Variants in DGKI observed in about 807,000 individuals in gnomAD.
DGKI encodes diacylglycerol kinase iota.
In DGKI, 55 loss-of-function variants were observed where a neutral mutation model predicts 147.5. That is an observed-to-expected ratio of 0.37 (90% CI 0.30 to 0.47). DGKI has a LOEUF of 0.47. Ranked by LOEUF, DGKI falls within the 20% of genes least tolerant of loss-of-function variation. The probability of loss-of-function intolerance (pLI) is 1.00; values close to 1 mark genes in which losing one functional copy is unlikely to be tolerated. For synonymous variants in DGKI, 469 were observed against 477.1 expected, an observed-to-expected ratio of 0.98 and a Z score of 0.22; for missense variants, 1,007 against 1,323.8, an observed-to-expected ratio of 0.76 and a Z score of 3.71.
intron 6 of DGKI, among the ~76,000 whole-genome samples, chr7:137,633,071 G>A (rs1181946609): frequency 3.3e-5 from 5 of 151,924 alleles, no homozygotes; most frequent in Non-Finnish European, 7.4e-5. Flanking sequence ...AATTACTCGG[G>A]CGTGGTGACG....
intron 1 of DGKI, among the ~76,000 whole-genome samples, chr7:137,718,121 G>A (rs990736593): frequency 4.6e-5 from 7 of 152,216 alleles, no homozygotes; most frequent in South Asian, 2.1e-4. Context: ...AAAACCAGCC[G>A]GGTGGGCTGG....
rs556073557 is a variant in DGKI at position 137,604,940 on chromosome 7, T to C, written c.1167+4026A>G. On this transcript the variant is annotated intron_variant, in intron 10 of 32. Coordinates refer to ENST00000614521, the MANE Select transcript of DGKI (RefSeq NM_001321708.2). ...GACGTATTTCTCTAGTACTCGAAAGTTTCCACACATAGGAGGGGATTGCAC... is the reference window on the plus strand; with the variant it reads ...GACGTATTTCTCTAGTACTCGAAAGCTTCCACACATAGGAGGGGATTGCAC... Among the ~76,000 whole-genome samples, 80 of 152,264 alleles carry C rather than the reference T, an allele frequency of 5.3e-4. 3 individuals are homozygous for C. The South Asian group carries it at 0.013, about 26-fold the overall frequency.
At chr7:137,843,388 C>G (rs1429558332) in intron 1 of DGKI, 1 of 983,816 alleles carries the variant, frequency 1.0e-6, no homozygotes, top group African/African-American at 1.8e-5. Context: ...AGAAAAGTAC[C>G]AGCTCACTCG....
intron 23 of DGKI, among the ~76,000 whole-genome samples, chr7:137,472,295 T>C (rs1330196278): frequency 0.02 from 77 of 3,880 alleles, 2 homozygotes; most frequent in African/African-American, 0.037. Flanking sequence ...TATGTATGTG[T>C]ATATTTATGT....
chr7:137,694,198 G>A (rs1383923251), intron 1 of DGKI, among the ~76,000 whole-genome samples: 2 of 152,088 alleles, frequency 1.3e-5, no homozygotes, highest in Admixed American at 6.5e-5. Flanking sequence ...GCGGGCGCCT[G>A]TAGTCCCAGC....
chr7:137,502,803 A>C (rs938299332), intron 21 of DGKI, among the ~76,000 whole-genome samples: 4 of 152,100 alleles, frequency 2.6e-5, no homozygotes, highest in Non-Finnish European at 4.4e-5. Flanking sequence ...AACTATTCCT[A>C]CTTTCCATTG....
intron 1 of DGKI, among the ~76,000 whole-genome samples, chr7:137,694,112 G>A (rs1823703044): frequency 1.3e-5 from 2 of 152,086 alleles, no homozygotes; most frequent in South Asian, 4.1e-4. Context: ...ACAAGGTCAG[G>A]AGATTGAGAC....
At chr7:137,576,559 T>G (rs2128978548) in intron 17 of DGKI, among the ~76,000 whole-genome samples, 1 of 152,338 alleles carries the variant, frequency 6.6e-6, no homozygotes, top group South Asian at 2.1e-4. Flanking sequence ...CCTAATTTTA[T>G]TCTATTTTTG....
At chr7:137,408,068 A>T in intron 29 of DGKI, 73 bp from the exon 30 acceptor site, 1 of 1,565,314 alleles carries the variant, frequency 6.4e-7, no homozygotes. Flanking sequence ...CGGTAATAAA[A>T]TGAGAGTCAT....
At position 137,846,905 on chromosome 7, in the gene DGKI, A is replaced by G; in HGVS notation, c.-43T>C. On this transcript the variant is annotated 5_prime_UTR_variant, in exon 1 of 33. Coordinates refer to ENST00000614521, the MANE Select transcript of DGKI (RefSeq NM_001321708.2). This position sits in a 1 kb window ranked among gnomAD's most constrained non-coding sequence, Gnocchi z 4.0. ...CGGGGCATTGTGGGAAACTCCGCTC[A>G]CTCCCCCGCCCCGGCCAATCAGAGG... The G allele has an allele frequency of 8.9e-7, 1 of 1,122,746 alleles. No individual in the cohort carries two copies. Among genetic ancestry groups the G allele is most frequent in the East Asian group, 4.3e-5 (1 of 23,380 alleles). The allele number at this position is 1,122,746 out of a possible 1,614,324, so 69.5% of individuals were successfully genotyped here. A position where few individuals can be genotyped will look rare whatever the true frequency, so the allele number is the denominator to read the frequency against.
intron 1 of DGKI, among the ~76,000 whole-genome samples, chr7:137,816,993 TC>T (rs1283834858): frequency 1.3e-5 from 2 of 152,040 alleles, no homozygotes; most frequent in Non-Finnish European, 2.9e-5. Flanking sequence ...TATGACAAAA[TC>T]TCCCTCACTG....
intron 5 of DGKI, among the ~76,000 whole-genome samples, chr7:137,652,017 C>T (rs925207595): frequency 1.3e-5 from 2 of 151,886 alleles, no homozygotes; most frequent in Non-Finnish European, 2.9e-5. Flanking sequence ...AGTGACATAC[C>T]GAAAATAATT....
At chr7:137,736,457 G>A (rs949586065) in intron 1 of DGKI, among the ~76,000 whole-genome samples, 6 of 152,076 alleles carry the variant, frequency 3.9e-5, no homozygotes, top group Admixed American at 3.9e-4. Flanking sequence ...GGCAAAATGG[G>A]ATTAATAGCA....
chr7:137,564,725 C>T (rs1382618013), intron 19 of DGKI, among the ~76,000 whole-genome samples: 1 of 152,210 alleles, frequency 6.6e-6, no homozygotes, highest in Non-Finnish European at 1.5e-5. Context: ...TTATTCTCTT[C>T]CCTGTTTCAT....
rs553552916 is a variant in DGKI at position 137,391,364 on chromosome 7, AAG to A, written c.3058-30_3058-29del. ...ATACGAAAATAGTGAGAAAAAAAAAAAGAGAGAGAGAGATAGACACAAGCGCT... is the reference window on the plus strand; with the variant it reads ...ATACGAAAATAGTGAGAAAAAAAAAAAGAGAGAGAGATAGACACAAGCGCT... On this transcript the variant is annotated intron_variant, in intron 32 of 32. Coordinates refer to ENST00000614521, the MANE Select transcript of DGKI (RefSeq NM_001321708.2). The A allele has an allele frequency of 2.3e-4, 331 of 1,437,470 alleles. 1 individual carries two copies. Among genetic ancestry groups the A allele is most frequent in the Middle Eastern group, 7.3e-4 (4 of 5,454 alleles). The allele number at this position is 1,437,470 out of a possible 1,614,324, so 89.0% of individuals were successfully genotyped here.
intron 1 of DGKI, among the ~76,000 whole-genome samples, chr7:137,748,222 T>C (rs1360339213): frequency 1.3e-5 from 2 of 152,154 alleles, no homozygotes; most frequent in East Asian, 3.8e-4. Context: ...TGACTTCAAA[T>C]TTCTTAGTCA....
At chr7:137,680,009 A>C (rs1156627554) in intron 2 of DGKI, among the ~76,000 whole-genome samples, 1 of 151,832 alleles carries the variant, frequency 6.6e-6, no homozygotes, top group Non-Finnish European at 1.5e-5. Flanking sequence ...AAAAAAAAAA[A>C]AAAATTCCAA....
chr7:137,545,930 C>T (rs1165364581), intron 20 of DGKI: 7 of 702,426 alleles, frequency 1.0e-5, no homozygotes, highest in East Asian at 2.7e-5. Flanking sequence ...AGCAGACACT[C>T]GCCGCAGGTC....
Position 137,846,712 on chromosome 7 carries a change from C to T in DGKI, c.151G>A (p.Gly51Ser). Reference sequence around the variant, plus strand: ...GCCGAGGAGCTGGGGTTCATGGCGCCCGCTCCGGCGGCCGCGGAGGGAGCG... The same window carrying T: ...GCCGAGGAGCTGGGGTTCATGGCGCTCGCTCCGGCGGCCGCGGAGGGAGCG... ...ACAPSAAAGA[G>S]AMNPSSSAGE... The change falls in exon 1 of 33, where the codon GGC (glycine) becomes AGC (serine). Residue 51 changes from glycine (G) to serine (S), a missense_variant. Around this residue, in one of 5 missense-constraint regions of DGKI, gnomAD observed 137 missense variants for 114.4 expected, o/e 1.20. Transcript: ENST00000614521. This position sits in a 1 kb window ranked among gnomAD's most constrained non-coding sequence, Gnocchi z 4.0. 1 of 1,029,850 alleles carries T rather than the reference C, an allele frequency of 9.7e-7. No individual in the cohort carries two copies. The highest frequency in any genetic ancestry group is 1.2e-6 in the Non-Finnish European group (1 of 859,558). The allele number at this position is 1,029,850 out of a possible 1,614,324, so 63.8% of individuals were successfully genotyped here.
Sources: gnomAD v4.1 joint callset for allele counts (sites outside exome capture counted in the v4.1 genomes callset) on GRCh38, gnomAD v4.1.1 for gene constraint, gnomAD v4.1.1 regional missense constraint, Gnocchi (gnomAD v3.1) non-coding constraint, MANE v1.5 for transcripts, NCBI Gene and HGNC (gene_info 2026-07-23, HGNC 2026-07-21) for gene names.